CHD5: variants seen among roughly 807,000 people sequenced by gnomAD.
The protein encoded by CHD5 is ATP-dependent chromatin remodeler CHD5.
Under a neutral mutation model 230.3 loss-of-function variants are expected in CHD5, and 69 were observed. The observed-to-expected ratio is 0.30, with a 90% CI of 0.25 to 0.37. The LOEUF is 0.37. Ranked by LOEUF, CHD5 falls within the 10% of genes least tolerant of loss-of-function variation. The probability of loss-of-function intolerance (pLI) is 1.00; values close to 1 mark genes in which losing one functional copy is unlikely to be tolerated. For synonymous variants in CHD5, 1,064 were observed against 1,065.9 expected (o/e 1.00, Z 0.03); for missense variants, 1,827 against 2,622.8 (o/e 0.70, Z 6.63).
In CHD5 at chr1:6,134,072, C is replaced by T; in HGVS notation, c.3144+56G>A. 1.9e-6 allele frequency: 3 copies of T among 1,568,952 alleles called. No individual in the cohort carries two copies. The highest frequency in any genetic ancestry group is 2.6e-6 in the Non-Finnish European group (3 of 1,153,196). ...AAGTTTGCGCCCCCAAGCATCAGGG[C>T]AGGATGCTCTCTGTGGGGTGTGGAG... is the stretch of plus-strand genomic sequence containing the variant. On this transcript the variant is annotated intron_variant, in intron 20 of 41. Transcript: ENST00000262450. This position sits in a 1 kb window ranked among gnomAD's most constrained non-coding sequence, Gnocchi z 6.3.
In CHD5 at chr1:6,134,430, G is replaced by C. The variant is rs2100850777; in HGVS notation, c.3013-171C>G. On this transcript the variant is annotated intron_variant, in intron 19 of 41. Transcript: ENST00000262450. The surrounding 1 kb of genome is among the most constrained non-coding windows in gnomAD (Gnocchi z 6.3). ...AGGCCAGGCCCCACAGTGCGGGGTA[G>C]ACCGTGGGTCCCACGGCCCTGGCTC... Among the ~76,000 whole-genome samples, 1 of 152,296 alleles carries C rather than the reference G, an allele frequency of 6.6e-6. No homozygotes were observed. The highest frequency in any genetic ancestry group is 6.5e-5 in the Admixed American group (1 of 15,306).
Position 6,106,422 on chromosome 1 carries a change from G to A in CHD5, c.5830C>T (p.Gln1944Ter), listed in dbSNP as rs753070352. ...PGPGGIVNYN[Q>*]MPLGPYVTDI ...GTCACATAGGGCCCCAGGGGCATCT[G>A]GTTGTAGTTGACAATCCCTCCCGGT... The change falls in exon 40 of 42, where the codon CAG (glutamine) becomes TAG (stop). Residue 1944 changes from glutamine to a stop codon, truncating the protein, a stop_gained. Coordinates refer to ENST00000262450, the MANE Select transcript of CHD5 (RefSeq NM_015557.3). LOFTEE classifies it high-confidence loss of function. 5.0e-6 allele frequency: 8 copies of A among 1,586,658 alleles called. No homozygotes were observed. Among genetic ancestry groups the A allele is most frequent in the Non-Finnish European group, 6.9e-6 (8 of 1,167,092 alleles).
intron 2 of CHD5, among the ~76,000 whole-genome samples, chr1:6,165,997 C>T (rs148537902): frequency 0.012 from 1,864 of 152,114 alleles, 24 homozygotes; most frequent in Middle Eastern, 0.02. Flanking sequence ...GCTCCACAGA[C>T]CCGGGTTCCC....
At chr1:6,135,748 T>A (rs1001225305) in intron 17 of CHD5, among the ~76,000 whole-genome samples, 2 of 152,130 alleles carry the variant, frequency 1.3e-5, no homozygotes, top group East Asian at 3.9e-4. Flanking sequence ...TGGTGGCTCA[T>A]GCCTGTAATC....
chr1:6,143,296 G>C (rs1666858060), intron 13 of CHD5, among the ~76,000 whole-genome samples: 1 of 152,108 alleles, frequency 6.6e-6, no homozygotes, highest in African/African-American at 2.4e-5. Context: ...GCCTCCCACA[G>C]TGCTGGGATT....
At chr1:6,166,034 C>T (rs1197680562) in intron 2 of CHD5, among the ~76,000 whole-genome samples, 2 of 151,964 alleles carry the variant, frequency 1.3e-5, no homozygotes, top group Non-Finnish European at 2.9e-5. Flanking sequence ...CCTCCCCATG[C>T]AGCCCCCATG....
chr1:6,162,026 C>T (rs1667187083), intron 2 of CHD5, among the ~76,000 whole-genome samples: 1 of 152,202 alleles, frequency 6.6e-6, no homozygotes, highest in African/African-American at 2.4e-5. Flanking sequence ...GCGAGCTAAA[C>T]CTCAGCTTCA....
At position 6,126,760 on chromosome 1, in the gene CHD5, A is replaced by AC; in HGVS notation, c.3904-15dup. ...CTCCACCTCCTCCTGGGGACGCAGCACCACGGGTTCCATGGGTGGAGCCAT... is the reference window on the plus strand; with the variant it reads ...CTCCACCTCCTCCTGGGGACGCAGCACCCACGGGTTCCATGGGTGGAGCCAT... On this transcript the variant is annotated splice_polypyrimidine_tract_variant and intron_variant, in intron 25 of 41. Transcript: ENST00000262450. This position sits in a 1 kb window ranked among gnomAD's most constrained non-coding sequence, Gnocchi z 5.7. The AC allele has an allele frequency of 6.2e-7, 1 of 1,610,472 alleles. No homozygotes were observed. Among genetic ancestry groups the AC allele is most frequent in the Non-Finnish European group, 8.5e-7 (1 of 1,177,578 alleles).
At position 6,151,092 on chromosome 1, in the gene CHD5, G is replaced by A. The variant is rs532035771; in HGVS notation, c.934C>T (p.Arg312Cys). ...DSASIHSASVRSECSAALGKK... is the reference protein window; with the variant it reads ...DSASIHSASVCSECSAALGKK... ...CCCAGGGCTGCAGAGCATTCGGAGCGCACGGAGGCACTGTGGATGCTGGCG... is the reference window on the plus strand; with the variant it reads ...CCCAGGGCTGCAGAGCATTCGGAGCACACGGAGGCACTGTGGATGCTGGCG... Residue 312 changes from arginine (R) to cysteine (C), a missense_variant, in exon 7 of 42, where the codon CGC becomes TGC. Around this residue, in one of 14 missense-constraint regions of CHD5, gnomAD observed 657 missense variants for 816.4 expected, o/e 0.80. Transcript: ENST00000262450. 19 of 1,609,234 alleles carry A rather than the reference G, an allele frequency of 1.2e-5. No individual in the cohort carries two copies. Among genetic ancestry groups the A allele is most frequent in the African/African-American group, 8.0e-5 (6 of 74,858 alleles).
In CHD5 at chr1:6,121,455, C is replaced by T. The variant is rs960253968; in HGVS notation, c.4779+39G>A. ...AGGTCCCCAGACCCAACCTCCACCCCACACACACCACAGGCCCAGACGCCA... is the reference window on the plus strand; with the variant it reads ...AGGTCCCCAGACCCAACCTCCACCCTACACACACCACAGGCCCAGACGCCA... On this transcript the variant is annotated intron_variant, in intron 32 of 41. Transcript: ENST00000262450. This position sits in a 1 kb window ranked among gnomAD's most constrained non-coding sequence, Gnocchi z 4.5. 3 of 1,575,522 alleles carry T rather than the reference C, an allele frequency of 1.9e-6. No individual in the cohort carries two copies. The Admixed American group carries it at 5.3e-5, about 28-fold the overall frequency.
chr1:6,111,599 A>T (rs1483327336), intron 36 of CHD5, among the ~76,000 whole-genome samples, 176 bp downstream of exon 36: 1 of 151,706 alleles, frequency 6.6e-6, no homozygotes, highest in Non-Finnish European at 1.5e-5. Context: ...AGAAGCCGGG[A>T]TGACAGCGGC....
chr1:6,160,386 TAGCCAGGGAAGGGCCCC>T (rs1254989966), intron 2 of CHD5, among the ~76,000 whole-genome samples: 2 of 55,820 alleles, frequency 3.6e-5, no homozygotes, highest in Admixed American at 4.3e-4. Flanking sequence ...AGAAGAGCCC[TAGCCAGGGAAGGGCCCC>T]AGCCAGAGAA....
chr1:6,125,726 G>A lies in CHD5; in HGVS notation c.4171+40C>T. On this transcript the variant is annotated intron_variant, in intron 27 of 41. Coordinates refer to ENST00000262450, the MANE Select transcript of CHD5 (RefSeq NM_015557.3). This position sits in a 1 kb window ranked among gnomAD's most constrained non-coding sequence, Gnocchi z 6.7. ...CTGCTGCCATCAGCTCCCCTGACAT[G>A]GCCTCAGCAGTAGCCCAGACCACTA... The A allele has an allele frequency of 6.3e-7, 1 of 1,592,054 alleles. No individual in the cohort carries two copies. Among genetic ancestry groups the A allele is most frequent in the South Asian group, 1.1e-5 (1 of 90,594 alleles).
chr1:6,154,870 T>A lies in CHD5; in HGVS notation c.535A>T (p.Ile179Phe). The A allele has an allele frequency of 6.2e-7, 1 of 1,613,800 alleles. No individual in the cohort carries two copies. Residue 179 changes from isoleucine (I) to phenylalanine (F), a missense_variant, in exon 5 of 42, where the codon ATC (isoleucine) becomes TTC (phenylalanine). Ile to Phe is a conservative substitution (Grantham distance 21, BLOSUM62 0). This residue lies in a region of CHD5 where 657 missense variants were observed against 816.4 expected (regional missense o/e 0.80). Transcript: ENST00000262450. This position sits in a 1 kb window ranked among gnomAD's most constrained non-coding sequence, Gnocchi z 7.0. ...RPLIAKKNPK[I>F]PMSKMMTVLG... ...ACGGTCATCATTTTGGACATGGGGA[T>A]CTTCGGGTTCTTCTTGGCAATGAGT...
At chr1:6,107,439 A>T (rs1469414152) in intron 38 of CHD5, among the ~76,000 whole-genome samples, 1 of 110,662 alleles carries the variant, frequency 9.0e-6, no homozygotes, top group South Asian at 3.9e-4. Flanking sequence ...TGGAGGAATG[A>T]AGGGATGAGG....
intron 3 of CHD5, among the ~76,000 whole-genome samples, chr1:6,158,281 C>G (rs1667110457): frequency 6.6e-6 from 1 of 152,218 alleles, no homozygotes; most frequent in Non-Finnish European, 1.5e-5. Context: ...CAGGGGAGAG[C>G]TGGCCCATCT....
At chr1:6,137,629 G>C (rs1557548887) in intron 15 of CHD5, among the ~76,000 whole-genome samples, 1 of 152,178 alleles carries the variant, frequency 6.6e-6, no homozygotes, top group African/African-American at 2.4e-5. Flanking sequence ...TACCGCACCT[G>C]GCCTTTTATC....
chr1:6,143,990 G>A (rs761156645), intron 12 of CHD5, 34 bp downstream of exon 12: 7 of 1,614,128 alleles, frequency 4.3e-6, no homozygotes, highest in Non-Finnish European at 5.9e-6. Context: ...GGTCCCGGCA[G>A]CCTGTGCCTA....
Position 6,145,127 on chromosome 1 carries a change from C to T in CHD5, c.1803-972G>A, listed in dbSNP as rs149360284. On this transcript the variant is annotated intron_variant, in intron 11 of 41. Transcript: ENST00000262450. ...CCTGGGGAGGAAAAGGGGGGTGTCC[C>T]ATAGTTGAAGGGGGGCAGTTTTTCA... Among the ~76,000 whole-genome samples the T allele has an allele frequency of 3.2e-3, 487 of 152,126 alleles. 4 individuals are homozygous for T. The highest frequency in any genetic ancestry group is 0.011 in the African/African-American group (466 of 41,486).
Sources: gnomAD v4.1 joint callset for allele counts (sites outside exome capture counted in the v4.1 genomes callset) on GRCh38, gnomAD v4.1.1 for gene constraint, gnomAD v4.1.1 regional missense constraint, Gnocchi (gnomAD v3.1) non-coding constraint, MANE v1.5 for transcripts, NCBI Gene and HGNC (gene_info 2026-07-23, HGNC 2026-07-21) for gene names.